MOCOS: variants seen among roughly 807,000 people sequenced by gnomAD.
MOCOS encodes human molybdenum cofactor sulfurase.
MOCOS carries 86 observed loss-of-function variants against 83.6 expected under a neutral mutation model. The ratio of observed to expected loss-of-function variants is 1.03; its 90% CI spans 0.86 to 1.23. The LOEUF is 1.23. Ranked by LOEUF, MOCOS falls within the 50% of genes most tolerant of loss-of-function variation. The pLI, the probability that MOCOS is intolerant of heterozygous loss-of-function variation, is 0.00. For synonymous variants in MOCOS, 445 were observed against 434.7 expected (o/e 1.02, Z -0.29); for missense variants, 1,120 against 1,126.9 (o/e 0.99, Z 0.09).
chr18:36,212,220 TG>T (rs150962687), intron 6 of MOCOS, among the ~76,000 whole-genome samples: 5,465 of 152,298 alleles, frequency 0.036, 285 homozygotes, highest in African/African-American at 0.11. Context: ...CTCCATGCCC[TG>T]TTTAAATTCT....
intron 11 of MOCOS, among the ~76,000 whole-genome samples, 155 bp downstream of exon 11, chr18:36,251,438 G>C (rs554588191): frequency 4.3e-4 from 65 of 152,270 alleles, no homozygotes; most frequent in African/African-American, 1.5e-3. Flanking sequence ...AGTAGCCCCA[G>C]GTCAGCAGGC....
chr18:36,198,685 G>GC lies in MOCOS; in HGVS notation c.233-3dup. ...CTTGGTGGCCTTGTCTTTGTAACCT[G>GC]CCAGGTAATCCTCACAGCCAGAACA... On this transcript the variant is annotated splice_polypyrimidine_tract_variant and splice_region_variant and intron_variant, in intron 2 of 14. Coordinates refer to ENST00000261326, the MANE Select transcript of MOCOS (RefSeq NM_017947.4). The GC allele has an allele frequency of 6.2e-7, 1 of 1,614,156 alleles. No individual in the cohort carries two copies.
Position 36,199,936 on chromosome 18 carries a change from G to T in MOCOS, c.553G>T (p.Ala185Ser), listed in dbSNP as rs759368473. The T allele has an allele frequency of 6.2e-7, 1 of 1,614,202 alleles. No homozygotes were observed. Among genetic ancestry groups the T allele is most frequent in the Non-Finnish European group, 8.5e-7 (1 of 1,180,032 alleles). ...EDLWSAEERS[A>S]SASNPDCQLP... ...CCTGTGGTCTGCAGAGGAACGTAGT[G>T]CTTCAGCCAGCAACCCAGACTGCCA... The change falls in exon 4 of 15, where the codon GCT (alanine) becomes TCT (serine). Residue 185 changes from alanine to serine, a missense_variant. Ala to Ser is a moderately conservative substitution (Grantham distance 99). Transcript: ENST00000261326.
intron 9 of MOCOS, among the ~76,000 whole-genome samples, chr18:36,224,361 T>C (rs1333885776): frequency 6.6e-6 from 1 of 152,210 alleles, no homozygotes; most frequent in Admixed American, 6.5e-5. Flanking sequence ...TTCTTTGCCT[T>C]GTTCCTGATC....
intron 1 of MOCOS, among the ~76,000 whole-genome samples, chr18:36,192,679 A>G (rs1478973702): frequency 6.6e-6 from 1 of 152,068 alleles, no homozygotes; most frequent in East Asian, 1.9e-4. Context: ...TCAGAGTCTC[A>G]CTCTGTCACA....
At chr18:36,214,310 C>A (rs1189526930) in intron 7 of MOCOS, among the ~76,000 whole-genome samples, 1 of 149,960 alleles carries the variant, frequency 6.7e-6, no homozygotes, top group Non-Finnish European at 1.5e-5. Context: ...CTATAGCAGA[C>A]TTTCAGATTC....
chr18:36,243,610 T>C (rs1290840128), intron 9 of MOCOS, among the ~76,000 whole-genome samples: 2 of 152,084 alleles, frequency 1.3e-5, no homozygotes, highest in Admixed American at 1.3e-4. Context: ...GTTTTGGTAT[T>C]AGGGTGATAC....
At chr18:36,224,158 C>G (rs1419753365) in intron 9 of MOCOS, among the ~76,000 whole-genome samples, 1 of 152,080 alleles carries the variant, frequency 6.6e-6, no homozygotes, top group Non-Finnish European at 1.5e-5. Flanking sequence ...TTACTGAATT[C>G]ATTTATTAGT....
intron 2 of MOCOS, among the ~76,000 whole-genome samples, chr18:36,198,303 C>T (rs942233229): frequency 1.3e-5 from 2 of 152,016 alleles, no homozygotes; most frequent in Non-Finnish European, 2.9e-5. Flanking sequence ...ATGGGAGGAT[C>T]GCTTGAGCCC....
At chr18:36,258,558 G>A (rs8084390) in intron 12 of MOCOS, among the ~76,000 whole-genome samples, 22,289 of 151,906 alleles carry the variant, frequency 0.15, 1,714 homozygotes, top group East Asian at 0.24. Flanking sequence ...CTTTTCATAC[G>A]TTGTTTGCCA....
At chr18:36,222,952 C>A (rs967157216) in intron 9 of MOCOS, among the ~76,000 whole-genome samples, 3 of 152,152 alleles carry the variant, frequency 2.0e-5, no homozygotes, top group Non-Finnish European at 1.5e-5. Context: ...TTGTTTACTG[C>A]TGAGTTGTAG....
chr18:36,245,462 C>T (rs2091599002), intron 9 of MOCOS, among the ~76,000 whole-genome samples: 1 of 152,204 alleles, frequency 6.6e-6, no homozygotes, highest in Admixed American at 6.5e-5. Flanking sequence ...ACCCCAATCC[C>T]TTCTGACTTG....
rs2091612611 is a variant in MOCOS at position 36,249,007 on chromosome 18, C to G, written c.2039+7C>G. 6.2e-7 allele frequency: 1 copy of G among 1,613,316 alleles called. No homozygotes were observed. Among genetic ancestry groups the G allele is most frequent in the Admixed American group, 1.7e-5 (1 of 59,962 alleles). On this transcript the variant is annotated splice_region_variant and intron_variant, in intron 10 of 14. Transcript: ENST00000261326. ...GCAGGGTCTGTGCTGACAGGTGAGA[C>G]TCTGAAGCACGTGAAAATCTCAGCT...
chr18:36,189,683 G>T (rs2091357208), intron 1 of MOCOS: 1 of 152,206 alleles, frequency 6.6e-6, no homozygotes. Flanking sequence ...GTCTCTGGAA[G>T]CCTTCGTGCT....
chr18:36,239,990 T>A (rs1334456452), intron 9 of MOCOS, among the ~76,000 whole-genome samples: 1 of 143,396 alleles, frequency 7.0e-6, no homozygotes. Flanking sequence ...CTCCATCAGC[T>A]CCTTTAAGCA....
At position 36,199,675 on chromosome 18, in the gene MOCOS, T is replaced by G. The variant is rs1391466344; in HGVS notation, c.300-8T>G. On this transcript the variant is annotated splice_region_variant and splice_polypyrimidine_tract_variant and intron_variant, in intron 3 of 14. Coordinates refer to ENST00000261326, the MANE Select transcript of MOCOS (RefSeq NM_017947.4). ...CCGCGGGTTGCGGGGATGCTGTGCTTCTTCCAGAATCCTGGCGCACTTCCA... is the reference window on the plus strand; with the variant it reads ...CCGCGGGTTGCGGGGATGCTGTGCTGCTTCCAGAATCCTGGCGCACTTCCA... 6.2e-7 allele frequency: 1 copy of G among 1,613,244 alleles called. No homozygotes were observed. Among genetic ancestry groups the G allele is most frequent in the Non-Finnish European group, 8.5e-7 (1 of 1,180,036 alleles).
At chr18:36,251,488 G>A (rs903360198) in intron 11 of MOCOS, among the ~76,000 whole-genome samples, 1 of 152,128 alleles carries the variant, frequency 6.6e-6, no homozygotes. Flanking sequence ...GCTGAGGAGG[G>A]CATAAAGCCA....
Position 36,215,904 on chromosome 18 carries a change from TGGA to T in MOCOS, c.1727_1729del (p.Glu576del). 1.9e-6 allele frequency: 3 copies of T among 1,613,954 alleles called. No individual in the cohort carries two copies. Among genetic ancestry groups the T allele is most frequent in the Non-Finnish European group, 2.5e-6 (3 of 1,179,826 alleles). On this transcript the variant is annotated inframe_deletion, in exon 8 of 15. Coordinates refer to ENST00000261326, the MANE Select transcript of MOCOS (RefSeq NM_017947.4). ...CCTTCAGAGAAAGCTGCAGGAGTCC[TGGA>T]GGGGGCCCTTGGGCCACATGTTGTC...
rs574944981 is a variant in MOCOS at position 36,191,622 on chromosome 18, G to C, written c.143-3635G>C. Among the ~76,000 whole-genome samples the C allele has an allele frequency of 2.3e-4, 35 of 152,268 alleles. No individual in the cohort carries two copies. The East Asian group carries it at 6.2e-3, about 27-fold the overall frequency. Reference sequence around the variant, plus strand: ...CCATGCCTGGCTATTTATTTCTATAGAGATGGGGTCTCACATGTTGCTTAT... The same window carrying C: ...CCATGCCTGGCTATTTATTTCTATACAGATGGGGTCTCACATGTTGCTTAT... On this transcript the variant is annotated intron_variant, in intron 1 of 14. Coordinates refer to ENST00000261326, the MANE Select transcript of MOCOS (RefSeq NM_017947.4).
Sources: gnomAD v4.1 joint callset for allele counts (sites outside exome capture counted in the v4.1 genomes callset) on GRCh38, gnomAD v4.1.1 for gene constraint, MANE v1.5 for transcripts, NCBI Gene and HGNC (gene_info 2026-07-23, HGNC 2026-07-21) for gene names.